The following KHDRBS2 variants were observed in gnomAD, a reference collection of about 807,000 sequenced individuals.
The protein encoded by KHDRBS2 is KH domain-containing, RNA-binding, signal transduction-associated protein 2.
KHDRBS2 carries 26 observed loss-of-function variants against 44.3 expected under a neutral mutation model. That is an observed-to-expected ratio of 0.59 (90% CI 0.43 to 0.81). KHDRBS2 has a LOEUF of 0.81. Ranked by LOEUF, KHDRBS2 falls within the 40% of genes least tolerant of loss-of-function variation. KHDRBS2 has a pLI of 0.00. For synonymous variants in KHDRBS2, 194 were observed against 151.1 expected, an observed-to-expected ratio of 1.28 and a Z score of -2.08; for missense variants, 476 against 433.1, an observed-to-expected ratio of 1.10 and a Z score of -0.88.
intron 1 of KHDRBS2, among the ~76,000 whole-genome samples, chr6:62,203,424 A>ATAC (rs1455434503): frequency 2.0e-5 from 3 of 152,164 alleles, no homozygotes; most frequent in African/African-American, 7.2e-5. Context: ...AAATTTCAAA[A>ATAC]TACTAATGGG....
intron 4 of KHDRBS2, among the ~76,000 whole-genome samples, chr6:61,960,638 A>G (rs1035678919): frequency 2.6e-5 from 4 of 152,192 alleles, no homozygotes; most frequent in African/African-American, 9.6e-5. Flanking sequence ...AACAAAAAGC[A>G]GAATGCCTCC....
chr6:62,222,876 C>G (rs553179191), intron 1 of KHDRBS2, among the ~76,000 whole-genome samples: 2 of 152,304 alleles, frequency 1.3e-5, no homozygotes, highest in Admixed American at 6.5e-5. Context: ...GCAGCTCCAC[C>G]CCTGTGGCTT....
chr6:62,088,546 A>G (rs1393813469), intron 2 of KHDRBS2, among the ~76,000 whole-genome samples: 1 of 152,142 alleles, frequency 6.6e-6, no homozygotes, highest in Non-Finnish European at 1.5e-5. Context: ...AGAACAGCAA[A>G]GATTGCTGCC....
intron 2 of KHDRBS2, among the ~76,000 whole-genome samples, chr6:62,119,400 C>T (rs1382856865): frequency 6.6e-6 from 1 of 152,130 alleles, no homozygotes; most frequent in Non-Finnish European, 1.5e-5. Context: ...CTCATGGTTC[C>T]AGAAGCACAA....
At chr6:61,946,844 A>T (rs529346432) in intron 4 of KHDRBS2, among the ~76,000 whole-genome samples, 2 of 152,272 alleles carry the variant, frequency 1.3e-5, no homozygotes, top group African/African-American at 4.8e-5. Flanking sequence ...CTTTCTTCTG[A>T]CTATCTGCTA....
At position 62,286,111 on chromosome 6, in the gene KHDRBS2, C is replaced by A; in HGVS notation, c.-163G>T. 1 of 580,326 alleles carries A rather than the reference C, an allele frequency of 1.7e-6. No homozygotes were observed. The highest frequency in any genetic ancestry group is 2.1e-5 in the South Asian group (1 of 47,954). 35.9% of individuals were successfully genotyped at this position (580,326 alleles called of 1,614,324 possible). A position where few individuals can be genotyped will look rare whatever the true frequency, so the allele number is the denominator to read the frequency against. On this transcript the variant is annotated 5_prime_UTR_variant, in exon 1 of 9. Coordinates refer to ENST00000281156, the MANE Select transcript of KHDRBS2 (RefSeq NM_152688.4). The stretch of plus-strand genomic sequence containing the variant: ...CCATGCACCCAGCACCTGCGACTCC[C>A]GCCGTCGGGCTGCGTGGCCCCGCGC...
intron 6 of KHDRBS2, among the ~76,000 whole-genome samples, chr6:61,813,283 C>CT (rs1788404579): frequency 1.3e-5 from 2 of 152,068 alleles, no homozygotes; most frequent in African/African-American, 2.4e-5. Context: ...GGAAGACCAT[C>CT]TTTTTTGCTG....
intron 4 of KHDRBS2, among the ~76,000 whole-genome samples, chr6:61,959,077 A>T (rs982187430): frequency 1.3e-5 from 2 of 152,112 alleles, no homozygotes; most frequent in African/African-American, 4.8e-5. Flanking sequence ...AGTTTCTTCT[A>T]TTGTCCACAA....
At chr6:61,778,993 T>G (rs1435337122) in intron 6 of KHDRBS2, among the ~76,000 whole-genome samples, 1 of 152,144 alleles carries the variant, frequency 6.6e-6, no homozygotes, top group South Asian at 2.1e-4. Context: ...TTCCTTTCTA[T>G]TTTGCTCATT....
At chr6:62,131,096 T>C (rs1221445226) in intron 2 of KHDRBS2, among the ~76,000 whole-genome samples, 4 of 152,150 alleles carry the variant, frequency 2.6e-5, no homozygotes, top group African/African-American at 9.7e-5. Flanking sequence ...ACTTGTAATA[T>C]ATCTTGTAAT....
At chr6:62,137,569 T>C (rs1811846708) in intron 2 of KHDRBS2, among the ~76,000 whole-genome samples, 1 of 152,158 alleles carries the variant, frequency 6.6e-6, no homozygotes, top group Admixed American at 6.5e-5. Flanking sequence ...TTAGTATTAG[T>C]GAACAATAGG....
At chr6:62,057,539 G>A (rs528846030) in intron 2 of KHDRBS2, among the ~76,000 whole-genome samples, 1 of 151,948 alleles carries the variant, frequency 6.6e-6, no homozygotes, top group East Asian at 2.0e-4. Context: ...ATCATGACAG[G>A]TGAATTATCA....
chr6:62,112,139 G>A (rs1445603038), intron 2 of KHDRBS2, among the ~76,000 whole-genome samples: 4 of 151,942 alleles, frequency 2.6e-5, no homozygotes, highest in Non-Finnish European at 5.9e-5. Context: ...ATATTACCTA[G>A]GAAGCACCTA....
At chr6:61,888,533 A>G (rs1336003429) in intron 6 of KHDRBS2, among the ~76,000 whole-genome samples, 1 of 151,680 alleles carries the variant, frequency 6.6e-6, no homozygotes, top group Non-Finnish European at 1.5e-5. Context: ...TGAGATAGGA[A>G]GAGAGATTCC....
At chr6:62,114,057 T>A (rs779141524) in intron 2 of KHDRBS2, among the ~76,000 whole-genome samples, 22 of 152,014 alleles carry the variant, frequency 1.4e-4, no homozygotes, top group Non-Finnish European at 2.9e-4. Context: ...AAAATCCCCT[T>A]ATAAAACCAT....
chr6:62,173,343 C>A (rs957770687), intron 2 of KHDRBS2, among the ~76,000 whole-genome samples: 3 of 151,850 alleles, frequency 2.0e-5, no homozygotes, highest in Admixed American at 1.3e-4. Context: ...TTGGAAGAAA[C>A]TGGTAAATTC....
At position 62,286,192 on chromosome 6, in the gene KHDRBS2, C is replaced by G. The variant is rs967982193; in HGVS notation, c.-244G>C. 1.3e-5 allele frequency: 7 copies of G among 520,274 alleles called. No individual in the cohort carries two copies. The highest frequency in any genetic ancestry group is 7.9e-5 in the Admixed American group (2 of 25,256). 32.2% of individuals were successfully genotyped at this position (520,274 alleles called of 1,614,324 possible). A position where few individuals can be genotyped will look rare whatever the true frequency, so the allele number is the denominator to read the frequency against. Reference sequence around the variant, plus strand: ...CGCTCGCGCAGAGCCCCGGCTCACACCAGCGGCCTTAACTGGAGAGGCGGG... The same window carrying G: ...CGCTCGCGCAGAGCCCCGGCTCACAGCAGCGGCCTTAACTGGAGAGGCGGG... On this transcript the variant is annotated 5_prime_UTR_variant, in exon 1 of 9. Coordinates refer to ENST00000281156, the MANE Select transcript of KHDRBS2 (RefSeq NM_152688.4).
chr6:62,074,564 T>G (rs558394351), intron 2 of KHDRBS2, among the ~76,000 whole-genome samples: 1 of 152,042 alleles, frequency 6.6e-6, no homozygotes, highest in Admixed American at 6.6e-5. Flanking sequence ...TTTTGTACCT[T>G]CTACATATTT....
chr6:62,242,666 A>T (rs1834880475), intron 1 of KHDRBS2, among the ~76,000 whole-genome samples: 1 of 152,210 alleles, frequency 6.6e-6, no homozygotes, highest in Admixed American at 6.6e-5. Flanking sequence ...CTAGGAGTTA[A>T]CTACATTTTA....
Sources: allele counts gnomAD v4.1 joint callset (sites outside exome capture counted in the v4.1 genomes callset), GRCh38; gene constraint gnomAD v4.1.1; transcripts MANE v1.5; gene names NCBI Gene and HGNC (gene_info 2026-07-23, HGNC 2026-07-21).